BICC1: variants seen among roughly 807,000 people sequenced by gnomAD.
The protein encoded by BICC1 is BicC family RNA binding protein 1.
BICC1 carries 43 observed loss-of-function variants against 111.0 expected under a neutral mutation model. The observed-to-expected ratio is 0.39, with a 90% CI of 0.30 to 0.50. BICC1 has a LOEUF of 0.50. Ranked by LOEUF, BICC1 falls within the 20% of genes least tolerant of loss-of-function variation. The probability of loss-of-function intolerance (pLI) is 0.88; values close to 1 mark genes in which losing one functional copy is unlikely to be tolerated. For missense variants in BICC1, 1,091 were observed against 1,203.2 expected, an observed-to-expected ratio of 0.91 and a Z score of 1.38; for synonymous variants, 467 against 434.4, an observed-to-expected ratio of 1.07 and a Z score of -0.93.
chr10:58,796,311 C>CT lies in BICC1; in HGVS notation c.1180-23dup, dbSNP rs745387799. 56 of 1,600,870 alleles carry CT rather than the reference C, an allele frequency of 3.5e-5. No individual in the cohort carries two copies. The Admixed American group carries it at 4.9e-4, about 14-fold the overall frequency. On this transcript the variant is annotated intron_variant, in intron 9 of 20. Coordinates refer to ENST00000373886, the MANE Select transcript of BICC1 (RefSeq NM_001080512.3). ...TCATTGTAGACTACTTGCATGTCAC[C>CT]TTTTTTCCCCCATTATGTGTTTTCA...
chr10:58,513,223 C>T lies in BICC1; in HGVS notation c.80C>T (p.Pro27Leu). Residue 27 changes from proline to leucine, a missense_variant, in exon 1 of 21, where the codon CCA (proline) becomes CTA (leucine). By Grantham distance (98) the Pro-to-Leu change is moderately conservative. Transcript: ENST00000373886. ...GSNSERSTDS[P>L]VPGSEDDLVA... is the part of the protein sequence containing the mutation. The stretch of plus-strand genomic sequence containing the variant: ...AACAGCGAGCGCAGCACCGACTCCC[C>T]AGTGCCCGGCTCCGAGGACGACTTG... The T allele has an allele frequency of 6.2e-7, 1 of 1,612,286 alleles. No homozygotes were observed. Among genetic ancestry groups the T allele is most frequent in the Non-Finnish European group, 8.5e-7 (1 of 1,179,492 alleles).
intron 1 of BICC1, among the ~76,000 whole-genome samples, chr10:58,522,130 G>A (rs1392972604): frequency 6.6e-6 from 1 of 151,780 alleles, no homozygotes; most frequent in Non-Finnish European, 1.5e-5. Context: ...AGGGACTTGG[G>A]GGAGGAGCAC....
At chr10:58,618,137 C>G (rs936485044) in intron 1 of BICC1, among the ~76,000 whole-genome samples, 42 of 152,104 alleles carry the variant, frequency 2.8e-4, no homozygotes, top group African/African-American at 9.2e-4. Flanking sequence ...GGTCTTGTGT[C>G]GGACCTGTGT....
chr10:58,800,970 A>G lies in BICC1; in HGVS notation c.1939A>G (p.Met647Val). 1 of 1,612,372 alleles carries G rather than the reference A, an allele frequency of 6.2e-7. No individual in the cohort carries two copies. The highest frequency in any genetic ancestry group is 8.5e-7 in the Non-Finnish European group (1 of 1,179,178). ...GAATGCTGGTGACTTGAAACAGATG[A>G]TGTGTCCCTCCAAGGTTTCCTGTGC... is the stretch of plus-strand genomic sequence containing the variant. Reference protein sequence around the residue: ...SGNAGDLKQMMCPSKVSCAKR... With the variant: ...SGNAGDLKQMVCPSKVSCAKR... The change falls in exon 14 of 21, where the codon ATG becomes GTG. Residue 647 changes from methionine (M) to valine (V), a missense_variant. Coordinates refer to ENST00000373886, the MANE Select transcript of BICC1 (RefSeq NM_001080512.3).
intron 2 of BICC1, among the ~76,000 whole-genome samples, chr10:58,663,377 G>T: frequency 6.6e-6 from 1 of 151,992 alleles, no homozygotes; most frequent in East Asian, 1.9e-4. Flanking sequence ...CAATTTTTAG[G>T]TTTTATTTAA....
intron 1 of BICC1, among the ~76,000 whole-genome samples, chr10:58,564,330 A>G (rs1157807703): frequency 6.6e-6 from 1 of 152,186 alleles, no homozygotes; most frequent in Non-Finnish European, 1.5e-5. Context: ...CTTGCTGATC[A>G]TGGTGTCTGA....
At chr10:58,709,508 G>C (rs1024245152) in intron 3 of BICC1, among the ~76,000 whole-genome samples, 1 of 152,224 alleles carries the variant, frequency 6.6e-6, no homozygotes, top group African/African-American at 2.4e-5. Context: ...CGTGGATTTT[G>C]TGAATCCGTC....
At chr10:58,575,629 G>C (rs7912116) in intron 1 of BICC1, among the ~76,000 whole-genome samples, 55,246 of 151,630 alleles carry the variant, frequency 0.36, 11,298 homozygotes, top group Admixed American at 0.57. Context: ...CGCTATGTTG[G>C]GTAGGCTCTC....
intron 2 of BICC1, among the ~76,000 whole-genome samples, chr10:58,653,708 T>G (rs1838526507): frequency 1.3e-5 from 2 of 151,948 alleles, no homozygotes; most frequent in Non-Finnish European, 2.9e-5. Flanking sequence ...TGCTTTAAGT[T>G]TTAGGGTACA....
chr10:58,751,815 T>C (rs1236776862), intron 3 of BICC1, among the ~76,000 whole-genome samples: 2 of 152,216 alleles, frequency 1.3e-5, no homozygotes, highest in Non-Finnish European at 2.9e-5. Flanking sequence ...CATATATCCA[T>C]TCACATGTAG....
chr10:58,595,536 A>C (rs1844783786), intron 1 of BICC1, among the ~76,000 whole-genome samples: 1 of 152,208 alleles, frequency 6.6e-6, no homozygotes, highest in Non-Finnish European at 1.5e-5. Context: ...CAGTGCAATC[A>C]AATTAGAACT....
chr10:58,646,877 G>A (rs1293529276), intron 2 of BICC1, among the ~76,000 whole-genome samples: 2 of 151,896 alleles, frequency 1.3e-5, no homozygotes, highest in Admixed American at 1.3e-4. Flanking sequence ...CTTTTCGTAG[G>A]TTAATATTCT....
Position 58,793,553 on chromosome 10 carries a change from CA to C in BICC1, c.1118del (p.Gln373ArgfsTer2). The C allele has an allele frequency of 6.2e-7, 1 of 1,613,680 alleles. No individual in the cohort carries two copies. Among genetic ancestry groups the C allele is most frequent in the Non-Finnish European group, 8.5e-7 (1 of 1,179,744 alleles). On this transcript the variant is annotated frameshift_variant, in exon 9 of 21. Coordinates refer to ENST00000373886, the MANE Select transcript of BICC1 (RefSeq NM_001080512.3). LOFTEE classifies it high-confidence loss of function. ...EIEVDPQFIA[Q>X]LMEQLDVFIS... Reference sequence around the variant, plus strand: ...TGAAGTAGATCCACAATTCATTGCGCAGTTGATGGAACAGCTTGATGTCTTC... The same window carrying C: ...TGAAGTAGATCCACAATTCATTGCGCGTTGATGGAACAGCTTGATGTCTTC...
chr10:58,679,441 A>T (rs1296658291), intron 2 of BICC1, among the ~76,000 whole-genome samples: 2 of 152,210 alleles, frequency 1.3e-5, no homozygotes, highest in African/African-American at 4.8e-5. Flanking sequence ...TCTAGAAGAA[A>T]TGGATAAATT....
chr10:58,598,926 A>G (rs1844929239), intron 1 of BICC1, among the ~76,000 whole-genome samples: 1 of 152,238 alleles, frequency 6.6e-6, no homozygotes, highest in Non-Finnish European at 1.5e-5. Context: ...TGGTCATTAG[A>G]GAAATGCAAA....
chr10:58,586,994 G>A, intron 1 of BICC1, among the ~76,000 whole-genome samples: 1 of 152,164 alleles, frequency 6.6e-6, no homozygotes, highest in East Asian at 1.9e-4. Context: ...TATGGGTTTT[G>A]TGTGTCCTGT....
At chr10:58,536,513 A>T (rs1842829954) in intron 1 of BICC1, among the ~76,000 whole-genome samples, 1 of 151,806 alleles carries the variant, frequency 6.6e-6, no homozygotes, top group Non-Finnish European at 1.5e-5. Flanking sequence ...AATTTCTGAA[A>T]TGATTGATAA....
At chr10:58,574,753 A>G (rs1411450970) in intron 1 of BICC1, among the ~76,000 whole-genome samples, 1 of 152,176 alleles carries the variant, frequency 6.6e-6, no homozygotes, top group Non-Finnish European at 1.5e-5. Flanking sequence ...GCATGTTAAT[A>G]AAAAATTGTT....
At position 58,821,797 on chromosome 10, in the gene BICC1, C is replaced by G. The variant is rs543643153; in HGVS notation, c.2794+1329C>G. ...ATTCAATTAGGAGATCTGGGCTTTACTTATGCTAAGTCATGAGTCCTTGAG... is the reference window on the plus strand; with the variant it reads ...ATTCAATTAGGAGATCTGGGCTTTAGTTATGCTAAGTCATGAGTCCTTGAG... On this transcript the variant is annotated intron_variant, in intron 20 of 20. Coordinates refer to ENST00000373886, the MANE Select transcript of BICC1 (RefSeq NM_001080512.3). Among the ~76,000 whole-genome samples the G allele has an allele frequency of 3.3e-5, 5 of 152,222 alleles. No homozygotes were observed. The South Asian group carries it at 1.0e-3, about 32-fold the overall frequency.
Sources: gnomAD v4.1 joint callset for allele counts (sites outside exome capture counted in the v4.1 genomes callset) on GRCh38, gnomAD v4.1.1 for gene constraint, MANE v1.5 for transcripts, NCBI Gene and HGNC (gene_info 2026-07-23, HGNC 2026-07-21) for gene names.